Variants in TAF8 observed in about 807,000 individuals in gnomAD.
The protein encoded by TAF8 is TATA-box binding protein associated factor 8.
A neutral mutation model predicts 36.5 loss-of-function variants in TAF8; 47 were observed. The ratio of observed to expected loss-of-function variants is 1.29; its 90% CI spans 1.02 to 1.64. The LOEUF (loss-of-function observed/expected upper bound fraction) is 1.64, where lower values mean the gene tolerates loss of function less well. Ranked by LOEUF, TAF8 falls within the 40% of genes most tolerant of loss-of-function variation. The pLI is 0.00. For synonymous variants in TAF8, 175 were observed against 159.5 expected (o/e 1.10, Z -0.73); for missense variants, 420 against 407.6 (o/e 1.03, Z -0.26).
downstream of TAF8, among the ~76,000 whole-genome samples, chr6:42,083,730 T>C (rs1765982321): frequency 2.6e-5 from 4 of 152,070 alleles, no homozygotes; most frequent in Admixed American, 2.6e-4. Context: ...ACACAATCTC[T>C]TTCTGGGCTG....
intron 5 of TAF8, among the ~76,000 whole-genome samples, chr6:42,060,249 A>G (rs1765144815): frequency 6.6e-6 from 1 of 152,158 alleles, no homozygotes; most frequent in Non-Finnish European, 1.5e-5. Context: ...AAGAACAGCT[A>G]ACAACAGTGT....
chr6:42,086,928 C>A, downstream of TAF8: 1 of 678,320 alleles, frequency 1.5e-6, no homozygotes, highest in South Asian at 1.8e-5. Context: ...GCGCAGCCAT[C>A]GGGAAGGTCA....
rs896473504 is a variant in TAF8, at chr6:42,082,052, T to C, written c.*4507T>C. ...ATTCAGTTTCAGTGTACAATGTAGATGGTATATTAGTACAATGCATAGAGC... is the reference window on the plus strand; with the variant it reads ...ATTCAGTTTCAGTGTACAATGTAGACGGTATATTAGTACAATGCATAGAGC... On this transcript the variant is annotated 3_prime_UTR_variant, in exon 9 of 9. Transcript: ENST00000372977. 2.0e-5 allele frequency: 3 copies of C among 152,354 alleles called. No homozygotes were observed. Among genetic ancestry groups the C allele is most frequent in the Non-Finnish European group, 1.5e-5 (1 of 68,038 alleles). The allele number at this position is 152,354 out of a possible 1,614,324, so 9.4% of individuals were successfully genotyped here.
chr6:42,065,402 A>G (rs892377135), intron 5 of TAF8, among the ~76,000 whole-genome samples: 4 of 152,198 alleles, frequency 2.6e-5, no homozygotes, highest in Non-Finnish European at 5.9e-5. Flanking sequence ...TCTGATCTCA[A>G]TCATTTTCAC....
chr6:42,066,162 A>C, intron 5 of TAF8, 150 bp from the exon 6 acceptor site: 2 of 925,518 alleles, frequency 2.2e-6, no homozygotes, highest in Non-Finnish European at 3.2e-6. Context: ...TGGCCTCCCA[A>C]AGTGCTGGGA....
intron 5 of TAF8, among the ~76,000 whole-genome samples, chr6:42,059,192 G>A (rs1765108275): frequency 6.6e-6 from 1 of 151,930 alleles, no homozygotes; most frequent in South Asian, 2.1e-4. Context: ...GACCATCCTG[G>A]CCAACATGGT....
At chr6:42,057,246 T>G in intron 4 of TAF8, 143 bp from the exon 5 acceptor site, 1 of 1,210,452 alleles carries the variant, frequency 8.3e-7, no homozygotes, top group Non-Finnish European at 1.2e-6. Flanking sequence ...AAAGACCTTT[T>G]ATCGATTGAA....
chr6:42,054,102 C>CT (rs1360724420), intron 2 of TAF8, among the ~76,000 whole-genome samples: 1 of 152,056 alleles, frequency 6.6e-6, no homozygotes, highest in Non-Finnish European at 1.5e-5. Context: ...CCAAAAAATG[C>CT]TTTTTTTGTG....
rs1038918531 is a variant in TAF8, at chr6:42,080,132, G to A, written c.*2587G>A. ...CAGGGTTTGTGATTCAGTTCTTAGCGATTCTTGGCCTGATAAGTTTATGAA... is the reference window on the plus strand; with the variant it reads ...CAGGGTTTGTGATTCAGTTCTTAGCAATTCTTGGCCTGATAAGTTTATGAA... On this transcript the variant is annotated 3_prime_UTR_variant, in exon 9 of 9. Coordinates refer to ENST00000372977, the MANE Select transcript of TAF8 (RefSeq NM_138572.3). The A allele has an allele frequency of 9.1e-6, 9 of 985,244 alleles. No individual in the cohort carries two copies. The highest frequency in any genetic ancestry group is 1.2e-4 in the Admixed American group (2 of 16,242). 61.0% of individuals were successfully genotyped at this position (985,244 alleles called of 1,614,324 possible).
intron 7 of TAF8, among the ~76,000 whole-genome samples, chr6:42,075,330 C>T (rs1205191856): frequency 6.6e-6 from 1 of 152,168 alleles, no homozygotes; most frequent in Admixed American, 6.5e-5. Flanking sequence ...GGCTCTGGGT[C>T]ACCTTGTGGT....
At chr6:42,056,867 G>A (rs2493829) in intron 4 of TAF8, among the ~76,000 whole-genome samples, 116,273 of 152,182 alleles carry the variant, frequency 0.76, 44,522 homozygotes, top group East Asian at 0.82. Context: ...CGGCCTCTCA[G>A]AGTGCTGGGA....
At chr6:42,059,635 G>C (rs578198060) in intron 5 of TAF8, among the ~76,000 whole-genome samples, 1 of 152,304 alleles carries the variant, frequency 6.6e-6, no homozygotes, top group Non-Finnish European at 1.5e-5. Context: ...GTCCTACAAA[G>C]GCAATCTAGT....
At chr6:42,072,951 C>G (rs994567273) in intron 7 of TAF8, among the ~76,000 whole-genome samples, 1 of 151,754 alleles carries the variant, frequency 6.6e-6, no homozygotes, top group Non-Finnish European at 1.5e-5. Flanking sequence ...TCTCGATCTC[C>G]CGACCTCGTG....
At chr6:42,068,983 A>G (rs1465302772) in intron 7 of TAF8, among the ~76,000 whole-genome samples, 1 of 152,178 alleles carries the variant, frequency 6.6e-6, no homozygotes, top group East Asian at 1.9e-4. Flanking sequence ...GCATTTGAGT[A>G]AAGACCGGAA....
At chr6:42,070,132 G>A (rs970610690) in intron 7 of TAF8, among the ~76,000 whole-genome samples, 1 of 152,072 alleles carries the variant, frequency 6.6e-6, no homozygotes, top group Non-Finnish European at 1.5e-5. Context: ...AGTGAGTATA[G>A]ACTTGTGCTG....
intron 7 of TAF8, among the ~76,000 whole-genome samples, chr6:42,074,445 C>T (rs373415821): frequency 5.3e-5 from 8 of 152,198 alleles, no homozygotes; most frequent in African/African-American, 1.9e-4. Context: ...GGGTGTAGGC[C>T]TTGCTAGAGC....
At position 42,080,237 on chromosome 6, in the gene TAF8, G is replaced by A. The variant is rs187262302; in HGVS notation, c.*2692G>A. The A allele has an allele frequency of 1.1e-4, 108 of 985,464 alleles. No individual in the cohort carries two copies. The highest frequency in any genetic ancestry group is 1.3e-4 in the Non-Finnish European group (105 of 830,016). The allele number at this position is 985,464 out of a possible 1,614,324, so 61.0% of individuals were successfully genotyped here. On this transcript the variant is annotated 3_prime_UTR_variant, in exon 9 of 9. Coordinates refer to ENST00000372977, the MANE Select transcript of TAF8 (RefSeq NM_138572.3). ...AGGTGTTGTCCCAGTCAGTGTTTCT[G>A]CAGCTTCCATTTGTTGTTGTTATCC...
At position 42,057,406 on chromosome 6, in the gene TAF8, C is replaced by T. The variant is rs770090308; in HGVS notation, c.382C>T (p.Pro128Ser). 2 of 1,614,050 alleles carry T rather than the reference C, an allele frequency of 1.2e-6. No homozygotes were observed. Among genetic ancestry groups the T allele is most frequent in the Admixed American group, 3.3e-5 (2 of 59,994 alleles). The change falls in exon 5 of 9, where the codon CCA (proline) becomes TCA (serine). Residue 128 changes from proline (P) to serine (S), a missense_variant. Transcript: ENST00000372977. ...VITAPPVTNQ[P>S]VTPKALTAGQ... Reference sequence around the variant, plus strand: ...TGTTGCAGCTCCGGTGACCAATCAGCCAGTGACCCCCAAGGCCCTCACTGC... The same window carrying T: ...TGTTGCAGCTCCGGTGACCAATCAGTCAGTGACCCCCAAGGCCCTCACTGC...
downstream of TAF8, among the ~76,000 whole-genome samples, chr6:42,085,455 G>A (rs182743327): frequency 2.1e-4 from 32 of 152,258 alleles, no homozygotes; most frequent in East Asian, 5.8e-3. Flanking sequence ...TAAAATCCCC[G>A]AGGTGATAAT....
Sources: gnomAD v4.1 joint callset for allele counts (sites outside exome capture counted in the v4.1 genomes callset) on GRCh38, gnomAD v4.1.1 for gene constraint, MANE v1.5 for transcripts, NCBI Gene and HGNC (gene_info 2026-07-23, HGNC 2026-07-21) for gene names.